The following STYXL2 variants were observed in gnomAD, a reference collection of about 807,000 sequenced individuals.
STYXL2 encodes the protein serine/threonine/tyrosine interacting like 2.
STYXL2 carries 44 observed loss-of-function variants against 52.4 expected under a neutral mutation model. The ratio of observed to expected loss-of-function variants is 0.84; its 90% confidence interval spans 0.66 to 1.08. STYXL2 has a LOEUF of 1.08. STYXL2 is among the 50% of genes least tolerant of loss of function. STYXL2 has a pLI of 0.00. For synonymous variants in STYXL2, 604 were observed against 586.9 expected (o/e 1.03, Z -0.42); for missense variants, 1,604 against 1,471.7 (o/e 1.09, Z -1.47).
rs1320081992 is a variant in STYXL2 at position 167,125,965 on chromosome 1, G to A, written c.834G>A (p.Leu278=). The change falls in exon 6 of 6, where the codon TTG becomes TTA. Residue 278 remains leucine, a synonymous_variant. Transcript: ENST00000361200. ...AGCTGCGGGAGCTCAATGAGAAGTT[G>A]ATGGAGGAGAGAGAAGAGGACTATG... The part of the protein sequence containing the change: ...LKQLRELNEK[L]MEEREEDYGR... The A allele has an allele frequency of 6.2e-7, 1 of 1,613,710 alleles. No homozygotes were observed. The highest frequency in any genetic ancestry group is 2.2e-5 in the East Asian group (1 of 44,820).
intron 2 of STYXL2, among the ~76,000 whole-genome samples, chr1:167,102,750 T>A (rs1667427446): frequency 6.6e-6 from 1 of 152,144 alleles, no homozygotes; most frequent in African/African-American, 2.4e-5. Context: ...TGAACAGTCC[T>A]CCTTGTACTT....
At chr1:167,124,606 G>C (rs774178111) in intron 5 of STYXL2, among the ~76,000 whole-genome samples, 7 of 152,176 alleles carry the variant, frequency 4.6e-5, no homozygotes, top group Non-Finnish European at 8.8e-5. Flanking sequence ...TTGAATGGTA[G>C]AGTCAAGACT....
chr1:167,117,731 C>T (rs1667760632), intron 4 of STYXL2, among the ~76,000 whole-genome samples, 172 bp downstream of exon 4: 1 of 152,200 alleles, frequency 6.6e-6, no homozygotes, highest in African/African-American at 2.4e-5. Context: ...CATCCACCTG[C>T]ATTCGGAGGT....
rs138801363 is a variant in STYXL2, at chr1:167,124,729, T to C, written c.656-1058T>C. On this transcript the variant is annotated intron_variant, in intron 5 of 5. Transcript: ENST00000361200. ...ACTGCACATTAAAAGGAACACGACT[T>C]AATTGCAGTTTTTAAAAAACGTTTT... Among the ~76,000 whole-genome samples the C allele has an allele frequency of 5.7e-3, 866 of 152,290 alleles. 9 individuals are homozygous for C. The highest frequency in any genetic ancestry group is 4.3e-3 in the Non-Finnish European group (294 of 68,022).
chr1:167,113,418 G>C (rs748630218), intron 2 of STYXL2, among the ~76,000 whole-genome samples: 6 of 152,218 alleles, frequency 3.9e-5, no homozygotes, highest in Non-Finnish European at 7.3e-5. Context: ...AGCCACATCA[G>C]GGTGGGTTCC....
At chr1:167,100,032 G>A (rs1667369306) in intron 2 of STYXL2, among the ~76,000 whole-genome samples, 1 of 152,236 alleles carries the variant, frequency 6.6e-6, no homozygotes, top group Non-Finnish European at 1.5e-5. Context: ...TAGCTCTGGA[G>A]GCTGGAAAGT....
At chr1:167,122,496 A>G (rs1011433151) in intron 5 of STYXL2, among the ~76,000 whole-genome samples, 7 of 151,980 alleles carry the variant, frequency 4.6e-5, no homozygotes, top group African/African-American at 1.5e-4. Flanking sequence ...TTCTGGGCAA[A>G]TACAGGTGTG....
At chr1:167,116,136 A>C (rs1409970047) in intron 3 of STYXL2, among the ~76,000 whole-genome samples, 2 of 152,096 alleles carry the variant, frequency 1.3e-5, no homozygotes, top group South Asian at 2.1e-4. Context: ...CTCTCTCTCT[A>C]TTCAGTATTT....
chr1:167,114,795 T>C (rs1351206318), intron 3 of STYXL2, among the ~76,000 whole-genome samples: 2 of 148,156 alleles, frequency 1.3e-5, no homozygotes, highest in African/African-American at 5.3e-5. Context: ...GGGTCTCTGT[T>C]GTCTTGCTCC....
In STYXL2 at chr1:167,119,448, G is replaced by A; in HGVS notation, c.637G>A (p.Ala213Thr). 2 of 1,614,134 alleles carry A rather than the reference G, an allele frequency of 1.2e-6. No homozygotes were observed. Among genetic ancestry groups the A allele is most frequent in the African/African-American group, 2.7e-5 (2 of 75,066 alleles). The change falls in exon 5 of 6, where the codon GCG (alanine) becomes ACG (threonine). Residue 213 changes from alanine (A) to threonine (T), a missense_variant. Coordinates refer to ENST00000361200, the MANE Select transcript of STYXL2 (RefSeq NM_001080426.3). ...GAAGGCGTCTGAGTTCCTGGATGAG[G>A]CGCTGCTGACTTACAGAGGTGAGAG... ...FRKASEFLDEALLTYRGKVLV... is the reference protein window; with the variant it reads ...FRKASEFLDETLLTYRGKVLV...
rs376206624 is a variant in STYXL2, at chr1:167,119,312, G to A, written c.501G>A (p.Ala167=). 1.5e-5 allele frequency: 24 copies of A among 1,614,100 alleles called. No individual in the cohort carries two copies. The highest frequency in any genetic ancestry group is 5.5e-5 in the South Asian group (5 of 91,086). The change falls in exon 5 of 6, where the codon GCG becomes GCA. Residue 167 remains alanine (A), a synonymous_variant. Coordinates refer to ENST00000361200, the MANE Select transcript of STYXL2 (RefSeq NM_001080426.3). ...GAATCACCCACATTCTGAATGCTGC[G>A]CATGGCACCGGCGTTTACACTGGCC... The part of the protein sequence containing the change: ...RLGITHILNA[A]HGTGVYTGPE...
chr1:167,118,176 A>T (rs1013793215), intron 4 of STYXL2, among the ~76,000 whole-genome samples: 2 of 152,210 alleles, frequency 1.3e-5, no homozygotes, highest in Non-Finnish European at 2.9e-5. Context: ...CCTAAGGTAG[A>T]CATTGTTTTT....
At chr1:167,111,511 TATACAC>T (rs1214957376) in intron 2 of STYXL2, among the ~76,000 whole-genome samples, 69 of 42,732 alleles carry the variant, frequency 1.6e-3, no homozygotes, top group Non-Finnish European at 2.2e-3. Context: ...TATATATATA[TATACAC>T]ACACACACAC....
intron 2 of STYXL2, among the ~76,000 whole-genome samples, chr1:167,107,047 A>G (rs1307301836): frequency 1.3e-5 from 2 of 152,180 alleles, no homozygotes; most frequent in African/African-American, 4.8e-5. Flanking sequence ...TTCATATGGC[A>G]TCAGCTGGAG....
intron 5 of STYXL2, among the ~76,000 whole-genome samples, chr1:167,124,194 G>A (rs1000385069): frequency 6.6e-6 from 1 of 152,140 alleles, no homozygotes; most frequent in African/African-American, 2.4e-5. Context: ...ACAGGTATGA[G>A]CCACCACACC....
At chr1:167,112,397 A>G (rs1667637692) in intron 2 of STYXL2, among the ~76,000 whole-genome samples, 1 of 152,192 alleles carries the variant, frequency 6.6e-6, no homozygotes, top group South Asian at 2.1e-4. Flanking sequence ...TGTTCTACTA[A>G]TCAATTCAAC....
chr1:167,094,599 T>C (rs1038081606), intron 1 of STYXL2, among the ~76,000 whole-genome samples: 3 of 152,158 alleles, frequency 2.0e-5, no homozygotes, highest in Admixed American at 1.3e-4. Context: ...GGAGCCACAC[T>C]GGCACTTCAA....
At chr1:167,122,812 C>T (rs1297932265) in intron 5 of STYXL2, among the ~76,000 whole-genome samples, 5 of 152,028 alleles carry the variant, frequency 3.3e-5, no homozygotes, top group African/African-American at 7.2e-5. Flanking sequence ...ATTCCAGGCA[C>T]GCACCACTAC....
At position 167,111,495 on chromosome 1, in the gene STYXL2, TATATATATATATATATATACACAC is replaced by T. The variant is rs1306436920; in HGVS notation, c.111-2213_111-2190del. 1.6e-3 allele frequency among the ~76,000 whole-genome samples: 81 copies of T among 49,478 alleles called. 2 individuals are homozygous for T. Among genetic ancestry groups the T allele is most frequent in the African/African-American group, 9.8e-3 (61 of 6,220 alleles). The allele number at this position is 49,478 out of a possible 152,430, so 32.5% of individuals were successfully genotyped here. On this transcript the variant is annotated intron_variant, in intron 2 of 5. Transcript: ENST00000361200. ...ATATATATATATATATATATATATA[TATATATATATATATATATACACAC>T]ACACACACACAAATATATATATATA...
Sources: gnomAD v4.1 joint callset for allele counts (sites outside exome capture counted in the v4.1 genomes callset) on GRCh38, gnomAD v4.1.1 for gene constraint, MANE v1.5 for transcripts, NCBI Gene and HGNC (gene_info 2026-07-23, HGNC 2026-07-21) for gene names.